Variants in PTPRM observed in about 807,000 individuals in gnomAD.
The protein encoded by PTPRM is protein tyrosine phosphatase receptor type M.
A neutral mutation model predicts 186.7 loss-of-function variants in PTPRM; 47 were observed. That is an observed-to-expected ratio of 0.25 (90% CI 0.20 to 0.32). The LOEUF (loss-of-function observed/expected upper bound fraction) is 0.32, where lower values mean the gene tolerates loss of function less well. Ranked by LOEUF, PTPRM falls within the 10% of genes least tolerant of loss-of-function variation. PTPRM has a pLI of 1.00. For missense variants in PTPRM, 1,494 were observed against 1,865.0 expected (o/e 0.80, Z 3.66); for synonymous variants, 668 against 674.9 (o/e 0.99, Z 0.16).
At chr18:7,573,568 TTTTTGTTTTGTTTTG>T (rs367999305) in intron 1 of PTPRM, among the ~76,000 whole-genome samples, 12 of 151,090 alleles carry the variant, frequency 7.9e-5, no homozygotes, top group East Asian at 2.0e-4. Flanking sequence ...AAAGAGGAGG[TTTTTGTTTTGTTTTG>T]TTTTGTTTTG....
chr18:7,877,167 T>C (rs2048286951), intron 2 of PTPRM, among the ~76,000 whole-genome samples: 1 of 152,222 alleles, frequency 6.6e-6, no homozygotes, highest in Non-Finnish European at 1.5e-5. Context: ...TTAATTATTG[T>C]ATCCTTTTGC....
intron 1 of PTPRM, among the ~76,000 whole-genome samples, chr18:7,607,685 G>A (rs2037567110): frequency 6.6e-6 from 1 of 152,246 alleles, no homozygotes. Context: ...GGACAGGGTT[G>A]TGAGGCCCTC....
chr18:8,293,988 C>T (rs2095068127), intron 19 of PTPRM, among the ~76,000 whole-genome samples: 2 of 152,168 alleles, frequency 1.3e-5, no homozygotes, highest in Admixed American at 1.3e-4. Flanking sequence ...CACAGTGGCT[C>T]ACTCCTGTAA....
At chr18:8,167,837 C>T (rs2093345227) in intron 14 of PTPRM, among the ~76,000 whole-genome samples, 1 of 152,182 alleles carries the variant, frequency 6.6e-6, no homozygotes, top group Admixed American at 6.5e-5. Flanking sequence ...TGTTCTTTGC[C>T]CCTGATGATG....
intron 2 of PTPRM, among the ~76,000 whole-genome samples, chr18:7,857,849 A>G (rs1054155643): frequency 4.6e-5 from 7 of 152,240 alleles, no homozygotes; most frequent in Admixed American, 3.9e-4. Flanking sequence ...AGATTACATC[A>G]TAATGTTCAT....
intron 22 of PTPRM, among the ~76,000 whole-genome samples, chr18:8,326,741 GCCATA>G: frequency 6.6e-6 from 1 of 152,230 alleles, no homozygotes; most frequent in East Asian, 1.9e-4. Context: ...TAACTGGCTA[GCCATA>G]TGCAGAAGAT....
intron 2 of PTPRM, among the ~76,000 whole-genome samples, chr18:7,855,729 C>T (rs1289172303): frequency 1.3e-5 from 2 of 152,120 alleles, no homozygotes; most frequent in Non-Finnish European, 2.9e-5. Context: ...TATTATTTGG[C>T]AATGGAAAAA....
intron 1 of PTPRM, among the ~76,000 whole-genome samples, chr18:7,772,369 TTCTTTC>T (rs1555673372): frequency 1.0e-5 from 1 of 100,186 alleles, no homozygotes; most frequent in Non-Finnish European, 2.1e-5. Flanking sequence ...CTTTCTTTCT[TTCTTTC>T]TTTCTTTCTT....
intron 7 of PTPRM, among the ~76,000 whole-genome samples, chr18:7,987,363 G>T (rs1258210484): frequency 6.6e-6 from 1 of 152,134 alleles, no homozygotes; most frequent in Non-Finnish European, 1.5e-5. Context: ...GGGAGCAAGT[G>T]GAGAAACATT....
chr18:8,007,043 C>T (rs1214176039), intron 7 of PTPRM, among the ~76,000 whole-genome samples: 6 of 152,154 alleles, frequency 3.9e-5, no homozygotes, highest in East Asian at 1.9e-4. Flanking sequence ...AGTGTTAAAC[C>T]GCATCATTCC....
chr18:7,813,765 T>C (rs1254885988), intron 2 of PTPRM, among the ~76,000 whole-genome samples: 1 of 152,190 alleles, frequency 6.6e-6, no homozygotes, highest in Non-Finnish European at 1.5e-5. Context: ...TTTCATCTTT[T>C]TTTCCCCCTA....
intron 19 of PTPRM, among the ~76,000 whole-genome samples, chr18:8,255,869 G>A (rs910349876): frequency 6.6e-6 from 1 of 152,144 alleles, no homozygotes; most frequent in Non-Finnish European, 1.5e-5. Context: ...TGCCATGGCC[G>A]CAGGGAGAAG....
Position 7,818,475 on chromosome 18 carries a change from GGT to G in PTPRM, c.196+44207_196+44208del, listed in dbSNP as rs374845825. Among the ~76,000 whole-genome samples the G allele has an allele frequency of 2.8e-4, 42 of 152,246 alleles. No individual in the cohort carries two copies. The South Asian group carries it at 4.6e-3, about 17-fold the overall frequency. ...ACACTCACTTGCTCCCTGCGTGCCT[GGT>G]GTCCTCCTACTGGACTCTGAGGTTG... On this transcript the variant is annotated intron_variant, in intron 2 of 32. Coordinates refer to ENST00000580170, the MANE Select transcript of PTPRM (RefSeq NM_001105244.2).
chr18:7,649,649 C>T lies in PTPRM; in HGVS notation c.73+81758C>T, dbSNP rs531982628. 3.2e-4 allele frequency among the ~76,000 whole-genome samples: 49 copies of T among 152,042 alleles called. No homozygotes were observed. The East Asian group carries it at 4.1e-3, about 13-fold the overall frequency. Reference sequence around the variant, plus strand: ...AGTAACTACAGATGGTGTAGTTACCCGGGAGGCGGATGTTGCAGTGAGCTC... The same window carrying T: ...AGTAACTACAGATGGTGTAGTTACCTGGGAGGCGGATGTTGCAGTGAGCTC... On this transcript the variant is annotated intron_variant, in intron 1 of 32. Transcript: ENST00000580170.
intron 11 of PTPRM, among the ~76,000 whole-genome samples, chr18:8,104,461 T>C (rs969245141): frequency 6.6e-6 from 1 of 152,314 alleles, no homozygotes; most frequent in East Asian, 1.9e-4. Flanking sequence ...TGTTATGTTT[T>C]AGTGGGGGAA....
At chr18:8,356,337 G>C (rs1199925804) in intron 23 of PTPRM, among the ~76,000 whole-genome samples, 1 of 152,204 alleles carries the variant, frequency 6.6e-6, no homozygotes, top group African/African-American at 2.4e-5. Context: ...CAGAAGAGAG[G>C]GAGAGACTGG....
intron 7 of PTPRM, among the ~76,000 whole-genome samples, chr18:8,068,698 C>G (rs770484415): frequency 1.3e-5 from 2 of 152,158 alleles, no homozygotes; most frequent in Non-Finnish European, 2.9e-5. Flanking sequence ...AGTTTATGTT[C>G]TCTTACTATA....
At chr18:7,931,887 G>A (rs972959218) in intron 5 of PTPRM, among the ~76,000 whole-genome samples, 1 of 152,144 alleles carries the variant, frequency 6.6e-6, no homozygotes, top group African/African-American at 2.4e-5. Context: ...AGTAAATGAA[G>A]GTGACAACCA....
chr18:7,618,561 C>A (rs755095338), intron 1 of PTPRM, among the ~76,000 whole-genome samples: 12 of 152,010 alleles, frequency 7.9e-5, no homozygotes, highest in Non-Finnish European at 1.6e-4. Context: ...AGGAAAAAAA[C>A]CCAAAAATAA....
Sources: allele counts gnomAD v4.1 joint callset (sites outside exome capture counted in the v4.1 genomes callset), GRCh38; gene constraint gnomAD v4.1.1; transcripts MANE v1.5; gene names NCBI Gene and HGNC (gene_info 2026-07-23, HGNC 2026-07-21).